The following BRWD1 variants were observed in gnomAD, a reference collection of about 807,000 sequenced individuals.
The protein encoded by BRWD1 is bromodomain and WD repeat-containing protein 1.
BRWD1 carries 82 observed loss-of-function variants against 251.2 expected under a neutral mutation model. The ratio of observed to expected loss-of-function variants is 0.33; its 90% CI spans 0.27 to 0.39. The LOEUF (loss-of-function observed/expected upper bound fraction) is 0.39, where lower values mean the gene tolerates loss of function less well. Ranked by LOEUF, BRWD1 falls within the 10% of genes least tolerant of loss-of-function variation. The pLI, the probability that BRWD1 is intolerant of heterozygous loss-of-function variation, is 1.00. For synonymous variants in BRWD1, 918 were observed against 902.8 expected (o/e 1.02, Z -0.30); for missense variants, 2,233 against 2,711.6 (o/e 0.82, Z 3.92).
chr21:39,226,939 T>C (rs1327907726), intron 27 of BRWD1, among the ~76,000 whole-genome samples: 2 of 152,126 alleles, frequency 1.3e-5, no homozygotes, highest in Non-Finnish European at 2.9e-5. Context: ...GCCTGGGCAA[T>C]ACAGCAAGAC....
At chr21:39,249,948 G>A in intron 20 of BRWD1, among the ~76,000 whole-genome samples, 1 of 137,296 alleles carries the variant, frequency 7.3e-6, no homozygotes. Context: ...GTGTGTGTGT[G>A]TGTGTGTGTA....
chr21:39,271,660 G>GC, intron 13 of BRWD1, among the ~76,000 whole-genome samples: 2 of 116,038 alleles, frequency 1.7e-5, no homozygotes, highest in Middle Eastern at 9.8e-3. Context: ...TCGCACCACT[G>GC]CACTCCAGCC....
intron 13 of BRWD1, among the ~76,000 whole-genome samples, chr21:39,272,608 C>CT (rs777403730): frequency 0.011 from 1,409 of 131,842 alleles, 21 homozygotes; most frequent in African/African-American, 0.032. Flanking sequence ...AATAACATTG[C>CT]TTTTTTTTTT....
chr21:39,208,057 T>C (rs754198093), intron 36 of BRWD1, among the ~76,000 whole-genome samples: 23 of 152,208 alleles, frequency 1.5e-4, no homozygotes, highest in Non-Finnish European at 2.9e-4. Flanking sequence ...GAAAAGGTTT[T>C]AGAAAGATTA....
intron 15 of BRWD1, among the ~76,000 whole-genome samples, chr21:39,268,782 G>C (rs183731973): frequency 1.1e-4 from 16 of 151,990 alleles, no homozygotes; most frequent in African/African-American, 3.6e-4. Flanking sequence ...GTCAAGAGAT[G>C]GAGACCATCC....
At chr21:39,285,871 C>CAAAAAAAAAAAAAAAAA (rs113834787) in intron 8 of BRWD1, among the ~76,000 whole-genome samples, 1 of 101,474 alleles carries the variant, frequency 9.9e-6, no homozygotes, top group Non-Finnish European at 1.9e-5. Flanking sequence ...GCCCAGTCAA[C>CAAAAAAAAAAAAAAAAA]AAAAAAAAAA....
In BRWD1 at chr21:39,313,515, G is replaced by A. The variant is rs2036593045; in HGVS notation, c.-24C>T. 7.5e-7 allele frequency: 1 copy of A among 1,329,870 alleles called. No homozygotes were observed. The highest frequency in any genetic ancestry group is 9.6e-7 in the Non-Finnish European group (1 of 1,046,628). The allele number at this position is 1,329,870 out of a possible 1,614,324, so 82.4% of individuals were successfully genotyped here. A position where few individuals can be genotyped will look rare whatever the true frequency, so the allele number is the denominator to read the frequency against. The stretch of plus-strand genomic sequence containing the variant: ...ATGGCCGGGCGCGGGGCGGGAGGCG[G>A]GAGCGAGCGAGCGAGCGGAGCGTGT... On this transcript the variant is annotated 5_prime_UTR_variant, in exon 1 of 41. Transcript: ENST00000342449.
rs1390641653 is a variant in BRWD1, at chr21:39,298,478, A to C, written c.303T>G (p.Thr101=). 2 of 1,609,686 alleles carry C rather than the reference A, an allele frequency of 1.2e-6. No individual in the cohort carries two copies. The highest frequency in any genetic ancestry group is 1.7e-6 in the Non-Finnish European group (2 of 1,178,666). Residue 101 remains threonine (T), a synonymous_variant, in exon 5 of 41, where the codon ACT becomes ACG. Coordinates refer to ENST00000342449, the MANE Select transcript of BRWD1 (RefSeq NM_033656.4). ...ACTGCCTTCCTGCACCAAGTAAAGAAGTGACTCTTGAAATACTGGGTGGAA... is the reference window on the plus strand; with the variant it reads ...ACTGCCTTCCTGCACCAAGTAAAGACGTGACTCTTGAAATACTGGGTGGAA... ...KEIPPSISRV[T]SLLGAGRQSL...
chr21:39,210,774 A>G lies in BRWD1; in HGVS notation c.4044+12T>C. The G allele has an allele frequency of 1.9e-6, 3 of 1,597,516 alleles. No individual in the cohort carries two copies. The highest frequency in any genetic ancestry group is 1.4e-5 in the African/African-American group (1 of 73,854). On this transcript the variant is annotated intron_variant, in intron 35 of 40. Coordinates refer to ENST00000342449, the MANE Select transcript of BRWD1 (RefSeq NM_033656.4). ...AAGAAAAGCCCCAAACATTTAAACA[A>G]TGGAAACTTACTGGATATTCAACCA...
chr21:39,215,406 A>G, intron 31 of BRWD1, 44 bp from the exon 32 acceptor site: 3 of 1,559,706 alleles, frequency 1.9e-6, no homozygotes, highest in Non-Finnish European at 2.6e-6. Flanking sequence ...AAATGAGAAG[A>G]TAGAAACCAA....
At chr21:39,317,898 A>C (rs373960177), upstream of BRWD1, among the ~76,000 whole-genome samples, 1 of 152,096 alleles carries the variant, frequency 6.6e-6, no homozygotes, top group East Asian at 1.9e-4. Flanking sequence ...AAAATTAAAA[A>C]CTTAGTCCAT....
In BRWD1 at chr21:39,191,693, TA is replaced by T. The variant is rs965976821; in HGVS notation, c.*4565del. ...ACTTTTACCCACTGATCAAAAAAGG[TA>T]ATTTTTAAAATGATTTACCTTGTAA... On this transcript the variant is annotated 3_prime_UTR_variant, in exon 41 of 41. Transcript: ENST00000342449. 5.1e-6 allele frequency: 5 copies of T among 985,188 alleles called. No homozygotes were observed. The highest frequency in any genetic ancestry group is 6.0e-6 in the Non-Finnish European group (5 of 829,806). The allele number at this position is 985,188 out of a possible 1,614,324, so 61.0% of individuals were successfully genotyped here.
rs916462235 is a variant in BRWD1 at position 39,309,572 on chromosome 21, C to T, written c.198+3269G>A. 4.2e-4 allele frequency among the ~76,000 whole-genome samples: 64 copies of T among 151,518 alleles called. 2 individuals carry two copies. Among genetic ancestry groups the T allele is most frequent in the Non-Finnish European group, 3.1e-4 (21 of 67,886 alleles). On this transcript the variant is annotated intron_variant, in intron 4 of 40. Transcript: ENST00000342449. ...GGGCGCGGTGGCTCACGCCTGTAAT[C>T]CCAGCACTTTGGGAGGCAGAGGCAG... is the stretch of plus-strand genomic sequence containing the variant.
intron 29 of BRWD1, among the ~76,000 whole-genome samples, chr21:39,220,940 T>C (rs1388445882): frequency 2.6e-5 from 4 of 151,964 alleles, no homozygotes; most frequent in Non-Finnish European, 5.9e-5. Flanking sequence ...GGGGGATCAC[T>C]TGAGGTCAGG....
chr21:39,285,684 A>G (rs951230980), intron 8 of BRWD1, among the ~76,000 whole-genome samples: 2 of 152,080 alleles, frequency 1.3e-5, no homozygotes, highest in African/African-American at 4.8e-5. Flanking sequence ...GCACTTTGGG[A>G]GGCCAAGGCA....
intron 8 of BRWD1, among the ~76,000 whole-genome samples, chr21:39,291,581 A>T (rs1350644134): frequency 6.6e-6 from 1 of 152,156 alleles, no homozygotes; most frequent in Non-Finnish European, 1.5e-5. Context: ...TAAGTTGTCT[A>T]AAAAAACTAA....
At chr21:39,318,134 G>A (rs2036716829), upstream of BRWD1, among the ~76,000 whole-genome samples, 1 of 152,078 alleles carries the variant, frequency 6.6e-6, no homozygotes, top group Middle Eastern at 3.2e-3. Context: ...GTCTGTGAAT[G>A]AGAGGAAAAT....
intron 13 of BRWD1, among the ~76,000 whole-genome samples, chr21:39,271,033 G>A (rs1346523144): frequency 4.6e-5 from 7 of 152,166 alleles, no homozygotes; most frequent in African/African-American, 7.2e-5. Flanking sequence ...GGTGGCTCAC[G>A]CCTGTAATCC....
chr21:39,276,295 A>T, intron 11 of BRWD1, 82 bp from the exon 12 acceptor site: 2 of 1,308,472 alleles, frequency 1.5e-6, no homozygotes, highest in Non-Finnish European at 2.1e-6. Flanking sequence ...TAATGCTAGA[A>T]GCCTATTTGC....
Sources: gnomAD v4.1 joint callset for allele counts (sites outside exome capture counted in the v4.1 genomes callset) on GRCh38, gnomAD v4.1.1 for gene constraint, MANE v1.5 for transcripts, NCBI Gene and HGNC (gene_info 2026-07-23, HGNC 2026-07-21) for gene names.